CSMD1: variants seen among roughly 807,000 people sequenced by gnomAD.
CSMD1 encodes CUB and sushi domain-containing protein 1.
CSMD1 carries 213 observed loss-of-function variants against 417.5 expected under a neutral mutation model. The observed-to-expected ratio is 0.51, with a 90% CI of 0.46 to 0.57. The LOEUF is 0.57. Among genes scored for constraint, CSMD1 ranks in the 20% least tolerant of loss-of-function variants. The probability of loss-of-function intolerance (pLI) is 0.00; values close to 1 mark genes in which losing one functional copy is unlikely to be tolerated. For synonymous variants in CSMD1, 2,862 were observed against 1,736.8 expected (o/e 1.65, Z -16.11); for missense variants, 6,923 against 4,529.7 (o/e 1.53, Z -15.17).
chr8:4,483,657 C>G (rs1427564672), intron 2 of CSMD1, among the ~76,000 whole-genome samples: 1 of 152,090 alleles, frequency 6.6e-6, no homozygotes, highest in Non-Finnish European at 1.5e-5. Flanking sequence ...TTGGGCTAAA[C>G]ACATATTTAA....
intron 52 of CSMD1, among the ~76,000 whole-genome samples, chr8:3,004,187 C>G (rs1202871409): frequency 6.6e-6 from 1 of 152,126 alleles, no homozygotes; most frequent in African/African-American, 2.4e-5. Flanking sequence ...CTCAGTGGAC[C>G]TTACACTATG....
At chr8:2,992,669 C>G (rs931358885) in intron 54 of CSMD1, among the ~76,000 whole-genome samples, 1 of 152,066 alleles carries the variant, frequency 6.6e-6, no homozygotes, top group Non-Finnish European at 1.5e-5. Flanking sequence ...TCGTGATCTG[C>G]CCGCCTCAGC....
chr8:4,030,823 G>C (rs566499435), intron 4 of CSMD1, among the ~76,000 whole-genome samples: 4 of 152,226 alleles, frequency 2.6e-5, no homozygotes, highest in East Asian at 1.9e-4. Flanking sequence ...CAGCACCCAA[G>C]ACACCTCTTG....
At chr8:4,062,970 G>C (rs912223611) in intron 3 of CSMD1, among the ~76,000 whole-genome samples, 2 of 151,830 alleles carry the variant, frequency 1.3e-5, no homozygotes, top group African/African-American at 4.8e-5. Flanking sequence ...TCCAGATAAA[G>C]GAATAAGGAA....
chr8:3,396,221 T>C lies in CSMD1; in HGVS notation c.2566A>G (p.Ser856Gly). ...LLFTTDNSRS[S>G]IGFLIHYESV... is the part of the protein sequence containing the mutation. ...TCATAGTGGATGAGGAAGCCGATGC[T>C]GGAGCGGCTGTTGTCAGTGGTGAAC... Residue 856 changes from serine to glycine, a missense_variant, in exon 17 of 70, where the codon AGC (serine) becomes GGC (glycine). Coordinates refer to ENST00000635120, the MANE Select transcript of CSMD1 (RefSeq NM_033225.6). 3 of 1,567,478 alleles carry C rather than the reference T, an allele frequency of 1.9e-6. No homozygotes were observed. The highest frequency in any genetic ancestry group is 1.2e-5 in the South Asian group (1 of 85,074).
At chr8:3,736,135 T>G (rs1167901221) in intron 6 of CSMD1, among the ~76,000 whole-genome samples, 1 of 152,220 alleles carries the variant, frequency 6.6e-6, no homozygotes, top group Non-Finnish European at 1.5e-5. Flanking sequence ...ATCTTTTCAG[T>G]ACTCATAAAA....
chr8:4,966,586 T>C (rs12674992), intron 1 of CSMD1, among the ~76,000 whole-genome samples: 78,049 of 151,872 alleles, frequency 0.51, 20,658 homozygotes, highest in Middle Eastern at 0.63. Flanking sequence ...ACATGCTAAA[T>C]ACATTTGTGA....
chr8:3,271,465 A>G (rs1306437378), intron 26 of CSMD1, among the ~76,000 whole-genome samples: 2 of 149,050 alleles, frequency 1.3e-5, no homozygotes, highest in Admixed American at 6.7e-5. Context: ...GGCTGGGTCA[A>G]ATGGTATTTC....
chr8:3,753,835 G>T (rs1227725857), intron 6 of CSMD1, 95 bp downstream of exon 6: 2 of 755,542 alleles, frequency 2.6e-6, no homozygotes. Context: ...CCATTTTCAA[G>T]CTATTTATCC....
chr8:3,800,680 T>TGGGA (rs1800406339), intron 5 of CSMD1, among the ~76,000 whole-genome samples: 1 of 152,156 alleles, frequency 6.6e-6, no homozygotes, highest in Admixed American at 6.6e-5. Flanking sequence ...GATATTCTCG[T>TGGGA]GGGAGTGAGT....
intron 1 of CSMD1, among the ~76,000 whole-genome samples, chr8:4,965,166 T>C (rs540374626): frequency 6.6e-6 from 1 of 152,326 alleles, no homozygotes; most frequent in African/African-American, 2.4e-5. Context: ...CATACAGATA[T>C]CATGAGTTAT....
rs537502320 is a variant in CSMD1 at position 3,908,022 on chromosome 8, G to A, written c.818+89881C>T. On this transcript the variant is annotated intron_variant, in intron 5 of 69. Coordinates refer to ENST00000635120, the MANE Select transcript of CSMD1 (RefSeq NM_033225.6). ...TGTTCACAGTTTCCTCTTTCTACCA[G>A]GAGGACTCCATAGGTATTTGACCCC... 3.9e-5 allele frequency among the ~76,000 whole-genome samples: 6 copies of A among 152,196 alleles called. No homozygotes were observed. The South Asian group carries it at 1.2e-3, about 32-fold the overall frequency.
Position 4,540,444 on chromosome 8 carries a change from T to C in CSMD1, c.302+96898A>G, listed in dbSNP as rs576244381. On this transcript the variant is annotated intron_variant, in intron 2 of 69. Coordinates refer to ENST00000635120, the MANE Select transcript of CSMD1 (RefSeq NM_033225.6). ...CAGGCCGGGTGCAGTGGCTCATGCC[T>C]GTAATTCCAGGACTTAGGGGAGGCT... Among the ~76,000 whole-genome samples the C allele has an allele frequency of 2.2e-4, 33 of 152,250 alleles. No homozygotes were observed. The East Asian group carries it at 3.3e-3, about 15-fold the overall frequency.
At chr8:3,740,439 T>G (rs558367837) in intron 6 of CSMD1, among the ~76,000 whole-genome samples, 1 of 151,992 alleles carries the variant, frequency 6.6e-6, no homozygotes, top group Non-Finnish European at 1.5e-5. Flanking sequence ...TACAGAAAAA[T>G]AGGTAGACTT....
chr8:4,894,206 C>G (rs1563695406), intron 1 of CSMD1, among the ~76,000 whole-genome samples: 1 of 152,018 alleles, frequency 6.6e-6, no homozygotes, highest in Non-Finnish European at 1.5e-5. Context: ...CAGATATGCC[C>G]AAACTTCATC....
intron 7 of CSMD1, among the ~76,000 whole-genome samples, chr8:3,707,607 C>G (rs913321039): frequency 4.6e-5 from 7 of 152,168 alleles, no homozygotes; most frequent in African/African-American, 1.7e-4. Flanking sequence ...AGCTGGTACC[C>G]AGTAACTGTT....
chr8:4,523,873 C>T (rs1803625827), intron 2 of CSMD1, among the ~76,000 whole-genome samples: 1 of 152,194 alleles, frequency 6.6e-6, no homozygotes, highest in Admixed American at 6.5e-5. Flanking sequence ...CTCCTTTCTC[C>T]TTCTTTGGTC....
chr8:3,316,533 C>CA (rs1554512569), intron 23 of CSMD1, among the ~76,000 whole-genome samples: 2 of 97,450 alleles, frequency 2.1e-5, no homozygotes, highest in African/African-American at 4.4e-5. Context: ...GTGAGCCTTG[C>CA]GGGAGAGGGT....
At position 4,429,495 on chromosome 8, in the gene CSMD1, T is replaced by C. The variant is rs114395207; in HGVS notation, c.303-9430A>G. Among the ~76,000 whole-genome samples the C allele has an allele frequency of 2.7e-3, 404 of 151,428 alleles. 1 individual carries two copies. The highest frequency in any genetic ancestry group is 9.5e-3 in the African/African-American group (393 of 41,470). On this transcript the variant is annotated intron_variant, in intron 2 of 69. Coordinates refer to ENST00000635120, the MANE Select transcript of CSMD1 (RefSeq NM_033225.6). ...TCCTCCTGTCAATTGGGAAACAGATTAGCTTATATAATTTGTAGAATTCAA... is the reference window on the plus strand; with the variant it reads ...TCCTCCTGTCAATTGGGAAACAGATCAGCTTATATAATTTGTAGAATTCAA...
Sources: gnomAD v4.1 joint callset for allele counts (sites outside exome capture counted in the v4.1 genomes callset) on GRCh38, gnomAD v4.1.1 for gene constraint, MANE v1.5 for transcripts, NCBI Gene and HGNC (gene_info 2026-07-23, HGNC 2026-07-21) for gene names.